The following GABRB2 variants were observed in gnomAD, a reference collection of about 807,000 sequenced individuals.
GABRB2 encodes gamma-aminobutyric acid receptor subunit beta-2.
GABRB2 carries 16 observed loss-of-function variants against 54.7 expected under a neutral mutation model. That is an observed-to-expected ratio of 0.29 (90% confidence interval 0.20 to 0.44). The LOEUF is 0.44. GABRB2 is among the 20% of genes least tolerant of loss of function. GABRB2 has a pLI of 1.00. For synonymous variants in GABRB2, 244 were observed against 233.8 expected, an observed-to-expected ratio of 1.04 and a Z score of -0.40; for missense variants, 355 against 644.0, an observed-to-expected ratio of 0.55 and a Z score of 4.86.
intron 5 of GABRB2, among the ~76,000 whole-genome samples, chr5:161,388,632 A>T (rs1012851765): frequency 6.6e-6 from 1 of 151,978 alleles, no homozygotes; most frequent in African/African-American, 2.4e-5. Flanking sequence ...TGATATAAGA[A>T]ATAATAATTC....
chr5:161,368,516 G>C (rs1246317377), intron 5 of GABRB2, among the ~76,000 whole-genome samples: 1 of 152,044 alleles, frequency 6.6e-6, no homozygotes, highest in African/African-American at 2.4e-5. Flanking sequence ...AATTCTACTA[G>C]ATTACAATTT....
chr5:161,546,067 A>T (rs113205434), intron 2 of GABRB2, among the ~76,000 whole-genome samples: 2 of 152,372 alleles, frequency 1.3e-5, no homozygotes, highest in African/African-American at 4.8e-5. Context: ...GAAGCAAAGG[A>T]TTCATAACAG....
chr5:161,519,509 A>G (rs543244313), intron 3 of GABRB2, among the ~76,000 whole-genome samples: 7 of 152,298 alleles, frequency 4.6e-5, no homozygotes, highest in East Asian at 1.9e-4. Context: ...GCAAAAATCA[A>G]TGAAGCCTCA....
chr5:161,344,986 T>A (rs906985101), intron 5 of GABRB2, among the ~76,000 whole-genome samples: 1 of 151,366 alleles, frequency 6.6e-6, no homozygotes, highest in Admixed American at 6.6e-5. Context: ...TAAGTGGGAG[T>A]TGAACAGTGA....
At chr5:161,507,999 G>A (rs1053807230) in intron 3 of GABRB2, among the ~76,000 whole-genome samples, 4 of 151,658 alleles carry the variant, frequency 2.6e-5, no homozygotes, top group Admixed American at 6.6e-5. Flanking sequence ...CCACTTGTAG[G>A]TACTTACCCA....
intron 6 of GABRB2, among the ~76,000 whole-genome samples, chr5:161,335,580 C>T (rs1012566980): frequency 6.6e-6 from 1 of 152,092 alleles, no homozygotes; most frequent in South Asian, 2.1e-4. Flanking sequence ...AGACAAATAA[C>T]AGAGCACAGT....
chr5:161,466,204 A>G (rs1758272208), intron 3 of GABRB2, among the ~76,000 whole-genome samples: 1 of 152,100 alleles, frequency 6.6e-6, no homozygotes, highest in African/African-American at 2.4e-5. Context: ...CATCATATAA[A>G]GTGTACATAT....
intron 4 of GABRB2, among the ~76,000 whole-genome samples, chr5:161,438,961 A>G (rs1757386476): frequency 6.6e-6 from 1 of 152,196 alleles, no homozygotes. Context: ...AAGAGGAGGT[A>G]GAGAGATAGG....
At chr5:161,307,656 CTG>C (rs1757727500) in intron 9 of GABRB2, among the ~76,000 whole-genome samples, 1 of 151,874 alleles carries the variant, frequency 6.6e-6, no homozygotes, top group Non-Finnish European at 1.5e-5. Context: ...TGTTTTAAGA[CTG>C]AGAAAAAAAT....
At chr5:161,400,623 T>C (rs1756156456) in intron 5 of GABRB2, among the ~76,000 whole-genome samples, 1 of 152,170 alleles carries the variant, frequency 6.6e-6, no homozygotes, top group Non-Finnish European at 1.5e-5. Context: ...TAGAGCCTTA[T>C]CAAACTCTCA....
intron 5 of GABRB2, among the ~76,000 whole-genome samples, chr5:161,396,837 A>T (rs555917026): frequency 5.9e-5 from 9 of 152,196 alleles, no homozygotes; most frequent in Admixed American, 1.3e-4. Context: ...TTAGACTTTC[A>T]GGAGTAAATT....
intron 4 of GABRB2, among the ~76,000 whole-genome samples, chr5:161,448,326 G>T (rs1351450511): frequency 1.3e-5 from 2 of 152,098 alleles, no homozygotes; most frequent in Non-Finnish European, 2.9e-5. Flanking sequence ...GGGAGGCTGA[G>T]GTAGGAGGTT....
intron 8 of GABRB2, among the ~76,000 whole-genome samples, chr5:161,328,335 T>C (rs577089048): frequency 6.6e-6 from 1 of 152,286 alleles, no homozygotes; most frequent in South Asian, 2.1e-4. Flanking sequence ...CTACCACTTA[T>C]TATATTTTAA....
chr5:161,537,265 T>A (rs1233550217), intron 3 of GABRB2, among the ~76,000 whole-genome samples: 1 of 152,230 alleles, frequency 6.6e-6, no homozygotes, highest in African/African-American at 2.4e-5. Flanking sequence ...TTAAATTTTA[T>A]GTATTCACAA....
At chr5:161,493,380 G>T (rs140915958) in intron 3 of GABRB2, among the ~76,000 whole-genome samples, 59 of 151,676 alleles carry the variant, frequency 3.9e-4, no homozygotes, top group African/African-American at 1.4e-3. Flanking sequence ...AAATAAGTAT[G>T]AGAGAAAAAT....
chr5:161,417,347 A>T (rs1756707654), intron 4 of GABRB2, among the ~76,000 whole-genome samples: 1 of 152,224 alleles, frequency 6.6e-6, no homozygotes, highest in African/African-American at 2.4e-5. Context: ...ATGTGAGTTA[A>T]GTCATATTGT....
intron 4 of GABRB2, among the ~76,000 whole-genome samples, chr5:161,456,318 A>C (rs1359082604): frequency 1.3e-5 from 2 of 152,218 alleles, no homozygotes; most frequent in Non-Finnish European, 2.9e-5. Flanking sequence ...ACTAAACTGG[A>C]ACCAGTGTGA....
chr5:161,307,601 A>G (rs527640241), intron 9 of GABRB2, among the ~76,000 whole-genome samples: 1 of 152,280 alleles, frequency 6.6e-6, no homozygotes, highest in East Asian at 1.9e-4. Context: ...TTTCAAATGA[A>G]GTTCTATGAC....
In GABRB2 at chr5:161,323,761, G is replaced by T. The variant is rs192282378; in HGVS notation, c.1191+2607C>A. On this transcript the variant is annotated intron_variant, in intron 9 of 9. Transcript: ENST00000393959. Reference sequence around the variant, plus strand: ...TTTTCTGTTTCTTCCTCATTTGTGGGAGTGCAAGGTAATTGTGTGCGTATA... The same window carrying T: ...TTTTCTGTTTCTTCCTCATTTGTGGTAGTGCAAGGTAATTGTGTGCGTATA... 3.9e-4 allele frequency among the ~76,000 whole-genome samples: 59 copies of T among 152,236 alleles called. No homozygotes were observed. In the East Asian group the frequency reaches 0.011, roughly 29 times the overall value.
Sources: allele counts gnomAD v4.1 joint callset (sites outside exome capture counted in the v4.1 genomes callset), GRCh38; gene constraint gnomAD v4.1.1; transcripts MANE v1.5; gene names NCBI Gene and HGNC (gene_info 2026-07-23, HGNC 2026-07-21).